Variants in GALNTL6 observed in about 807,000 individuals in gnomAD.
GALNTL6 encodes the protein polypeptide N-acetylgalactosaminyltransferase like 6.
Under a neutral mutation model 73.7 loss-of-function variants are expected in GALNTL6, and 46 were observed. The ratio of observed to expected loss-of-function variants is 0.62; its 90% confidence interval spans 0.49 to 0.80. GALNTL6 has a LOEUF of 0.80. Among genes scored for constraint, GALNTL6 ranks in the 30% least tolerant of loss-of-function variants. The pLI is 0.00. For missense variants in GALNTL6, 604 were observed against 755.0 expected, an observed-to-expected ratio of 0.80 and a Z score of 2.34; for synonymous variants, 259 against 263.7, an observed-to-expected ratio of 0.98 and a Z score of 0.17.
rs370228643 is a variant in GALNTL6 at position 172,780,588 on chromosome 4, A to G, written c.554-28773A>G. Among the ~76,000 whole-genome samples the G allele has an allele frequency of 4.6e-5, 7 of 152,298 alleles. No individual in the cohort carries two copies. In the South Asian group the frequency reaches 8.3e-4, roughly 18 times the overall value. ...TTGTTGATTTGAAATTTCTAAAACT[A>G]CTATTGCCTTGACATTTTTTCCTGG... On this transcript the variant is annotated intron_variant, in intron 5 of 12. Transcript: ENST00000506823.
chr4:171,923,404 T>TG (rs1313352778), intron 2 of GALNTL6, among the ~76,000 whole-genome samples: 2 of 149,400 alleles, frequency 1.3e-5, no homozygotes, highest in South Asian at 2.1e-4. Flanking sequence ...CTTTGTTTTT[T>TG]TTTTTTTTTT....
chr4:172,469,995 A>G (rs766999517), intron 5 of GALNTL6, among the ~76,000 whole-genome samples: 1 of 152,158 alleles, frequency 6.6e-6, no homozygotes, highest in Non-Finnish European at 1.5e-5. Context: ...CTGGAAAATG[A>G]TGTATATTTT....
chr4:172,816,313 T>G (rs1741603694), intron 7 of GALNTL6, among the ~76,000 whole-genome samples: 1 of 152,268 alleles, frequency 6.6e-6, no homozygotes, highest in African/African-American at 2.4e-5. Context: ...AAGATTTGAA[T>G]TATCTAATTT....
At chr4:172,308,035 C>T (rs145639221) in intron 3 of GALNTL6, among the ~76,000 whole-genome samples, 614 of 24,942 alleles carry the variant, frequency 0.025, 7 homozygotes, top group African/African-American at 0.055. Context: ...TTTTTTTTTA[C>T]GGCTCTTGTA....
chr4:172,006,103 A>C (rs967806274), intron 2 of GALNTL6, among the ~76,000 whole-genome samples: 1 of 152,206 alleles, frequency 6.6e-6, no homozygotes, highest in Non-Finnish European at 1.5e-5. Context: ...TAACAACAGC[A>C]TGTCTACGAG....
chr4:172,566,863 TC>T (rs1736573120), intron 5 of GALNTL6, among the ~76,000 whole-genome samples: 1 of 152,000 alleles, frequency 6.6e-6, no homozygotes, highest in African/African-American at 2.4e-5. Flanking sequence ...ACAAAAGGAA[TC>T]ATAAGAGACC....
At chr4:172,347,051 G>A in intron 4 of GALNTL6, among the ~76,000 whole-genome samples, 1 of 141,956 alleles carries the variant, frequency 7.0e-6, no homozygotes, top group Non-Finnish European at 1.5e-5. Context: ...GTGCAGTGGT[G>A]CAATCTCATC....
chr4:172,989,210 G>A lies in GALNTL6; in HGVS notation c.1372-19968G>A, dbSNP rs151298960. Among the ~76,000 whole-genome samples the A allele has an allele frequency of 2.1e-3, 318 of 152,334 alleles. 1 individual carries two copies. The highest frequency in any genetic ancestry group is 7.2e-3 in the African/African-American group (300 of 41,584). On this transcript the variant is annotated intron_variant, in intron 10 of 12. Transcript: ENST00000506823. ...TATCTTGCAGAGCCACAAGAGTGGA[G>A]CTGCCAAAACTTGGCTGATTTCTCC...
intron 2 of GALNTL6, among the ~76,000 whole-genome samples, chr4:171,879,197 T>C (rs1578934959): frequency 6.6e-6 from 1 of 152,352 alleles, no homozygotes; most frequent in East Asian, 1.9e-4. Flanking sequence ...CATGAGCTTG[T>C]GCAGATATTA....
At chr4:172,420,013 A>C (rs1730996559) in intron 5 of GALNTL6, among the ~76,000 whole-genome samples, 1 of 152,170 alleles carries the variant, frequency 6.6e-6, no homozygotes, top group South Asian at 2.1e-4. Context: ...TAATTTTAAT[A>C]TGTCCTTGAT....
intron 2 of GALNTL6, among the ~76,000 whole-genome samples, chr4:171,983,424 G>C (rs747031820): frequency 2.0e-4 from 30 of 152,014 alleles, no homozygotes; most frequent in Non-Finnish European, 3.2e-4. Flanking sequence ...AAATGTGGAA[G>C]GATGCTCTGC....
intron 2 of GALNTL6, among the ~76,000 whole-genome samples, chr4:171,964,068 C>A (rs1220781902): frequency 2.0e-5 from 3 of 152,158 alleles, no homozygotes; most frequent in Admixed American, 6.5e-5. Context: ...TAATCCATTG[C>A]ATGTTCTGGT....
At chr4:172,546,806 A>ATATGTATATATATG (rs1554034205) in intron 5 of GALNTL6, among the ~76,000 whole-genome samples, 16 of 99,118 alleles carry the variant, frequency 1.6e-4, no homozygotes, top group African/African-American at 2.8e-4. Context: ...ACGTATATAT[A>ATATGTATATATATG]CGTATATATA....
At chr4:172,479,384 T>C (rs1227953751) in intron 5 of GALNTL6, among the ~76,000 whole-genome samples, 1 of 152,158 alleles carries the variant, frequency 6.6e-6, no homozygotes, top group African/African-American at 2.4e-5. Context: ...TACTACTCAG[T>C]TATTAAAAAA....
At chr4:172,628,817 T>C (rs1005456106) in intron 5 of GALNTL6, among the ~76,000 whole-genome samples, 2 of 152,204 alleles carry the variant, frequency 1.3e-5, no homozygotes, top group African/African-American at 4.8e-5. Context: ...AGTAAACTTT[T>C]TTATATTTTC....
intron 5 of GALNTL6, among the ~76,000 whole-genome samples, chr4:172,368,430 C>T (rs149550500): frequency 2.1e-3 from 318 of 152,274 alleles, no homozygotes; most frequent in African/African-American, 6.6e-3. Context: ...AGAATGTTAT[C>T]CAGAACCTTG....
intron 2 of GALNTL6, among the ~76,000 whole-genome samples, chr4:171,925,350 G>C (rs1326018989): frequency 6.6e-6 from 1 of 152,110 alleles, no homozygotes; most frequent in Non-Finnish European, 1.5e-5. Flanking sequence ...ACTGTGGTTA[G>C]GAAGATAATT....
chr4:172,939,374 C>T (rs1241845345), intron 9 of GALNTL6, among the ~76,000 whole-genome samples: 2 of 152,090 alleles, frequency 1.3e-5, no homozygotes, highest in African/African-American at 4.8e-5. Context: ...AAGGCATCTT[C>T]CATAAATAAT....
intron 2 of GALNTL6, among the ~76,000 whole-genome samples, chr4:172,211,839 C>G (rs1736332558): frequency 6.6e-6 from 1 of 152,146 alleles, no homozygotes; most frequent in Non-Finnish European, 1.5e-5. Context: ...TTGCTTAAGC[C>G]TCTTTCATAA....
Sources: allele counts gnomAD v4.1 joint callset (sites outside exome capture counted in the v4.1 genomes callset), GRCh38; gene constraint gnomAD v4.1.1; transcripts MANE v1.5; gene names NCBI Gene and HGNC (gene_info 2026-07-23, HGNC 2026-07-21).